BRINP3: variants seen among roughly 807,000 people sequenced by gnomAD.
The protein encoded by BRINP3 is BMP/retinoic acid inducible neural specific 3.
A neutral mutation model predicts 71.0 loss-of-function variants in BRINP3; 19 were observed. The observed-to-expected ratio is 0.27, with a 90% CI of 0.19 to 0.39. BRINP3 has a LOEUF of 0.39. BRINP3 is among the 10% of genes least tolerant of loss of function. BRINP3 has a pLI of 1.00. For missense variants in BRINP3, 959 were observed against 940.8 expected (o/e 1.02, Z -0.25); for synonymous variants, 380 against 337.7 (o/e 1.13, Z -1.37).
At chr1:190,394,964 A>G (rs1671477251) in intron 2 of BRINP3, among the ~76,000 whole-genome samples, 2 of 151,702 alleles carry the variant, frequency 1.3e-5, no homozygotes, top group Non-Finnish European at 3.0e-5. Context: ...TCATTTTTCA[A>G]GTAAAGATTT....
chr1:190,148,582 T>G (rs1280083038), intron 7 of BRINP3, among the ~76,000 whole-genome samples: 1 of 148,810 alleles, frequency 6.7e-6, no homozygotes, highest in Non-Finnish European at 1.5e-5. Context: ...GCGACAGAGT[T>G]GAGACTCTGT....
At chr1:190,377,392 T>C (rs1249177592) in intron 2 of BRINP3, among the ~76,000 whole-genome samples, 2 of 151,908 alleles carry the variant, frequency 1.3e-5, no homozygotes, top group African/African-American at 2.4e-5. Flanking sequence ...ACTGAAAGCC[T>C]TCTCCCTCAT....
chr1:190,355,394 C>A (rs925367412), intron 2 of BRINP3, among the ~76,000 whole-genome samples: 14 of 151,804 alleles, frequency 9.2e-5, no homozygotes, highest in African/African-American at 3.1e-4. Context: ...AAATTAACTT[C>A]TTTATATAGA....
chr1:190,381,537 G>C (rs532552182), intron 2 of BRINP3, among the ~76,000 whole-genome samples: 64 of 152,218 alleles, frequency 4.2e-4, no homozygotes, highest in African/African-American at 1.5e-3. Context: ...AAATTAATAT[G>C]TCTAACTTTA....
At chr1:190,277,170 G>A (rs1294256907) in intron 3 of BRINP3, among the ~76,000 whole-genome samples, 1 of 134,464 alleles carries the variant, frequency 7.4e-6, no homozygotes, top group East Asian at 2.3e-4. Context: ...ATGAGAAATT[G>A]TTTTTTGTAA....
At chr1:190,212,328 A>G (rs1380626150) in intron 6 of BRINP3, among the ~76,000 whole-genome samples, 1 of 152,102 alleles carries the variant, frequency 6.6e-6, no homozygotes, top group East Asian at 1.9e-4. Context: ...AATGATCACA[A>G]TGCTTCCTTC....
chr1:190,217,624 C>T (rs1656524670), intron 6 of BRINP3, among the ~76,000 whole-genome samples: 1 of 151,942 alleles, frequency 6.6e-6, no homozygotes, highest in African/African-American at 2.4e-5. Flanking sequence ...GGCAACTTCT[C>T]AAGTGAAATA....
chr1:190,436,591 A>G (rs1354112780), intron 2 of BRINP3, among the ~76,000 whole-genome samples: 2 of 151,922 alleles, frequency 1.3e-5, no homozygotes, highest in African/African-American at 4.8e-5. Flanking sequence ...ACGGTGCATT[A>G]TGATCATTTT....
chr1:190,218,085 G>T (rs1400320305), intron 6 of BRINP3, among the ~76,000 whole-genome samples: 1 of 151,248 alleles, frequency 6.6e-6, no homozygotes, highest in Non-Finnish European at 1.5e-5. Context: ...TATAAATATT[G>T]TAAGTGTATA....
chr1:190,411,746 T>C (rs924140675), intron 2 of BRINP3, among the ~76,000 whole-genome samples: 6 of 152,174 alleles, frequency 3.9e-5, no homozygotes, highest in Non-Finnish European at 7.4e-5. Flanking sequence ...ATAAAAAAGG[T>C]AGAGTGAAAT....
At position 190,363,338 on chromosome 1, in the gene BRINP3, A is replaced by C. The variant is rs892859576; in HGVS notation, c.237-81588T>G. ...CCTTGTGTTACTCTGAGCAGAGGAC[A>C]CAGTTCACCCCTGCCCAAACTCCTG... On this transcript the variant is annotated intron_variant, in intron 2 of 7. Coordinates refer to ENST00000367462, the MANE Select transcript of BRINP3 (RefSeq NM_199051.3). Among the ~76,000 whole-genome samples the C allele has an allele frequency of 9.2e-5, 14 of 152,304 alleles. 1 individual carries two copies. Among genetic ancestry groups the C allele is most frequent in the Admixed American group, 2.0e-4 (3 of 15,280 alleles).
At chr1:190,177,209 C>G (rs1185258290) in intron 6 of BRINP3, among the ~76,000 whole-genome samples, 1 of 124,958 alleles carries the variant, frequency 8.0e-6, no homozygotes, top group East Asian at 2.5e-4. Flanking sequence ...GTCACCCAGG[C>G]TGGAGTGCAG....
chr1:190,105,164 T>A (rs543001201), intron 7 of BRINP3, among the ~76,000 whole-genome samples: 1 of 152,034 alleles, frequency 6.6e-6, no homozygotes, highest in South Asian at 2.1e-4. Flanking sequence ...TTGGCAGCGT[T>A]GCCTAGGGCT....
intron 4 of BRINP3, among the ~76,000 whole-genome samples, chr1:190,261,029 T>C (rs1661139991): frequency 6.6e-6 from 1 of 151,926 alleles, no homozygotes; most frequent in Non-Finnish European, 1.5e-5. Flanking sequence ...TTTAGTAGAG[T>C]CCTATTATAA....
chr1:190,316,433 C>T (rs1289610732), intron 2 of BRINP3, among the ~76,000 whole-genome samples: 1 of 151,976 alleles, frequency 6.6e-6, no homozygotes, highest in South Asian at 2.1e-4. Flanking sequence ...TATTCTGAGA[C>T]AAAATTATTG....
intron 2 of BRINP3, among the ~76,000 whole-genome samples, chr1:190,441,606 T>C (rs1050192804): frequency 5.9e-5 from 9 of 152,112 alleles, no homozygotes; most frequent in African/African-American, 1.9e-4. Flanking sequence ...ATAGGAGCTA[T>C]TCCTTTAAAA....
intron 7 of BRINP3, among the ~76,000 whole-genome samples, chr1:190,123,022 C>T (rs1244698398): frequency 1.3e-5 from 2 of 152,072 alleles, no homozygotes; most frequent in Admixed American, 6.6e-5. Context: ...CTTTCTAACA[C>T]ATTATTCTTG....
At chr1:190,391,292 A>G (rs1161580518) in intron 2 of BRINP3, among the ~76,000 whole-genome samples, 3 of 151,816 alleles carry the variant, frequency 2.0e-5, no homozygotes, top group Non-Finnish European at 2.9e-5. Context: ...AGTATTATGG[A>G]GAATAAGCTT....
intron 2 of BRINP3, among the ~76,000 whole-genome samples, chr1:190,377,653 C>A (rs1670269561): frequency 1.3e-5 from 2 of 150,610 alleles, no homozygotes; most frequent in South Asian, 4.2e-4. Context: ...CACATACACA[C>A]ACACAAAGTG....
Sources: allele counts gnomAD v4.1 joint callset (sites outside exome capture counted in the v4.1 genomes callset), GRCh38; gene constraint gnomAD v4.1.1; transcripts MANE v1.5; gene names NCBI Gene and HGNC (gene_info 2026-07-23, HGNC 2026-07-21).